Variants in APBA3 observed in about 807,000 individuals in gnomAD.
APBA3 encodes the protein amyloid-beta A4 precursor protein-binding family A member 3.
In APBA3, 45 loss-of-function variants were observed where a neutral mutation model predicts 55.9. The ratio of observed to expected loss-of-function variants is 0.80; its 90% confidence interval spans 0.63 to 1.03. The LOEUF (loss-of-function observed/expected upper bound fraction) is 1.03. Ranked by LOEUF, APBA3 falls within the 50% of genes least tolerant of loss-of-function variation. The pLI is 0.00. For missense variants in APBA3, 865 were observed against 820.3 expected (o/e 1.05, Z -0.67); for synonymous variants, 370 against 353.3 (o/e 1.05, Z -0.53).
intron 1 of APBA3, among the ~76,000 whole-genome samples, chr19:3,760,913 A>T (rs948742080): frequency 6.6e-6 from 1 of 151,842 alleles, no homozygotes; most frequent in African/African-American, 2.4e-5. Flanking sequence ...GCCCTGTCTT[A>T]AAAAAAACAA....
rs202188547 is a variant in APBA3, at chr19:3,752,897, C to T, written c.1105G>A (p.Val369Met). 1.5e-4 allele frequency: 235 copies of T among 1,613,196 alleles called. 1 individual carries two copies. Among genetic ancestry groups the T allele is most frequent in the Admixed American group, 2.0e-4 (12 of 60,020 alleles). The change falls in exon 7 of 11, where the codon GTG becomes ATG. Residue 369 changes from valine to methionine, a missense_variant. By Grantham distance (21) the Val-to-Met change is conservative. Transcript: ENST00000316757. ...TGGCAGGCGCCTGGGCTCGGGTGCACGCCCACCTGGCTGGGGTCAATACCG... is the reference window on the plus strand; with the variant it reads ...TGGCAGGCGCCTGGGCTCGGGTGCATGCCCACCTGGCTGGGGTCAATACCG... Reference protein sequence around the residue: ...ESGIDPSQVGVHPSPGACHLH... With the variant: ...ESGIDPSQVGMHPSPGACHLH...
chr19:3,753,965 G>A (rs1016398997), intron 5 of APBA3, 39 bp from the exon 6 acceptor site: 15 of 1,568,012 alleles, frequency 9.6e-6, no homozygotes, highest in South Asian at 1.2e-5. Context: ...TTGGGGGGCC[G>A]TGCCAGGCTC....
chr19:3,759,966 T>A lies in APBA3; in HGVS notation c.299A>T (p.His100Leu), dbSNP rs891229647. The A allele has an allele frequency of 8.7e-6, 14 of 1,610,056 alleles. No homozygotes were observed. The highest frequency in any genetic ancestry group is 1.2e-5 in the Non-Finnish European group (14 of 1,179,072). ...GCCAGCTTCGGCAGACAGGAGCCCG[T>A]GGGCATCAGCAATCTCCTGGGAGGC... Reference protein sequence around the residue: ...GLASQEIADAHGLLSAEAGRD... With the variant: ...GLASQEIADALGLLSAEAGRD... The change falls in exon 2 of 11, where the codon CAC (histidine) becomes CTC (leucine). Residue 100 changes from histidine to leucine, a missense_variant. Coordinates refer to ENST00000316757, the MANE Select transcript of APBA3 (RefSeq NM_004886.4).
At position 3,751,415 on chromosome 19, in the gene APBA3, C is replaced by A. The variant is rs1003382018; in HGVS notation, c.1515+19G>T. On this transcript the variant is annotated intron_variant, in intron 9 of 10. Coordinates refer to ENST00000316757, the MANE Select transcript of APBA3 (RefSeq NM_004886.4). Reference sequence around the variant, plus strand: ...GCCGCCCTACCCCCCCACCCCGGGGCCAGGGGCCGGGGCCTCACGATGCCG... The same window carrying A: ...GCCGCCCTACCCCCCCACCCCGGGGACAGGGGCCGGGGCCTCACGATGCCG... 1.3e-6 allele frequency: 2 copies of A among 1,518,958 alleles called. No individual in the cohort carries two copies. Among genetic ancestry groups the A allele is most frequent in the South Asian group, 2.4e-5 (2 of 82,752 alleles). The allele number at this position is 1,518,958 out of a possible 1,614,324, so 94.1% of individuals were successfully genotyped here.
At position 3,760,312 on chromosome 19, in the gene APBA3, G is replaced by A; in HGVS notation, c.-37-11C>T. The stretch of plus-strand genomic sequence containing the variant: ...GGCATCTTCAGGCAGCTGAAAGAGA[G>A]AGAGTCAGCACTGAGGTTTCGCCCG... On this transcript the variant is annotated splice_polypyrimidine_tract_variant and intron_variant, in intron 1 of 10. Transcript: ENST00000316757. 2 of 1,520,508 alleles carry A rather than the reference G, an allele frequency of 1.3e-6. No homozygotes were observed. The highest frequency in any genetic ancestry group is 1.7e-4 in the Middle Eastern group (1 of 5,756). 94.2% of individuals were successfully genotyped at this position (1,520,508 alleles called of 1,614,324 possible). A position where few individuals can be genotyped will look rare whatever the true frequency, so the allele number is the denominator to read the frequency against.
intron 6 of APBA3, 117 bp downstream of exon 6, chr19:3,753,648 A>C: frequency 9.0e-7 from 1 of 1,116,916 alleles, no homozygotes; most frequent in Admixed American, 3.0e-5. Flanking sequence ...CTTGTCCCAA[A>C]AAAAGAATTT....
intron 3 of APBA3, among the ~76,000 whole-genome samples, chr19:3,758,597 T>C (rs987200007): frequency 1.3e-5 from 2 of 152,104 alleles, no homozygotes; most frequent in Non-Finnish European, 2.9e-5. Flanking sequence ...TAGTATTCTT[T>C]GGCCAGGCGT....
intron 6 of APBA3, 47 bp from the exon 7 acceptor site, chr19:3,753,037 C>T: frequency 2.5e-6 from 4 of 1,594,748 alleles, no homozygotes; most frequent in Non-Finnish European, 3.4e-6. Flanking sequence ...CCCACCTCCT[C>T]CAGGTCCCCA....
At chr19:3,756,712 G>A (rs2037083186) in intron 3 of APBA3, 1 of 151,822 alleles carries the variant, frequency 6.6e-6, no homozygotes, top group African/African-American at 2.4e-5. Context: ...GACAGAGCGA[G>A]ACTCCGTCTC....
chr19:3,753,445 C>A (rs934016663), intron 6 of APBA3: 6 of 365,886 alleles, frequency 1.6e-5, no homozygotes, highest in Non-Finnish European at 3.0e-5. Context: ...GAGTTTGAGA[C>A]CGTGTTCACC....
intron 3 of APBA3, among the ~76,000 whole-genome samples, chr19:3,758,976 C>T (rs950910862): frequency 6.6e-6 from 1 of 152,060 alleles, no homozygotes; most frequent in African/African-American, 2.4e-5. Context: ...AATCTCAGTA[C>T]TCTGGGAGGC....
chr19:3,751,651 C>A (rs948678387), intron 8 of APBA3, 98 bp from the exon 9 acceptor site: 36 of 1,375,028 alleles, frequency 2.6e-5, no homozygotes, highest in Middle Eastern at 2.5e-4. Context: ...AAACCAGAGA[C>A]CTGGAGTCCA....
Position 3,759,821 on chromosome 19 carries a change from A to G in APBA3, c.444T>C (p.Asp148=). Residue 148 remains aspartate, a synonymous_variant, in exon 2 of 11, where the codon GAT becomes GAC. Coordinates refer to ENST00000316757, the MANE Select transcript of APBA3 (RefSeq NM_004886.4). The part of the protein sequence containing the change: ...LLQPPEDPDE[D]SDSPEWVEGA... ...CCTCCACCCATTCTGGGGAGTCAGAATCCTCATCTGGGTCCTCAGGGGGCT... is the reference window on the plus strand; with the variant it reads ...CCTCCACCCATTCTGGGGAGTCAGAGTCCTCATCTGGGTCCTCAGGGGGCT... 6.2e-7 allele frequency: 1 copy of G among 1,612,566 alleles called. No homozygotes were observed.
chr19:3,760,353 G>A (rs1181368674), intron 1 of APBA3, 52 bp from the exon 2 acceptor site: 5 of 1,244,938 alleles, frequency 4.0e-6, no homozygotes, highest in Non-Finnish European at 4.4e-6. Flanking sequence ...AGTGGCTCAT[G>A]CCTGTAATCC....
rs2037018890 is a variant in APBA3, at chr19:3,752,455, A to C, written c.1395+53T>G. 3 of 1,482,792 alleles carry C rather than the reference A, an allele frequency of 2.0e-6. No individual in the cohort carries two copies. The African/African-American group carries it at 4.2e-5, about 21-fold the overall frequency. The allele number at this position is 1,482,792 out of a possible 1,614,324, so 91.9% of individuals were successfully genotyped here. ...TGGCCAGGGAGGAGACCTCTCTGGG[A>C]CTCAGCTCCCCTTCCTGGGAGTGTG... On this transcript the variant is annotated intron_variant, in intron 8 of 10. Transcript: ENST00000316757.
At chr19:3,760,706 G>C (rs1465284732) in intron 1 of APBA3, among the ~76,000 whole-genome samples, 1 of 147,566 alleles carries the variant, frequency 6.8e-6, no homozygotes, top group African/African-American at 2.5e-5. Flanking sequence ...CTGAGATCGC[G>C]CCATTGCACT....
chr19:3,753,630 AAGG>A (rs2037037580), intron 6 of APBA3, 132 bp downstream of exon 6: 3 of 911,056 alleles, frequency 3.3e-6, no homozygotes, highest in South Asian at 2.0e-5. Flanking sequence ...TGGGTGACAG[AAGG>A]AGACCTTGTC....
intron 3 of APBA3, chr19:3,756,756 T>C (rs987867277): frequency 6.6e-6 from 1 of 152,204 alleles, no homozygotes; most frequent in African/African-American, 2.4e-5. Flanking sequence ...TTCACCTGTT[T>C]TTAATTTTTT....
rs1330497162 is a variant in APBA3 at position 3,760,185 on chromosome 19, G to A, written c.80C>T (p.Pro27Leu). Reference protein sequence around the residue: ...DLEGPRDILVPSEDLTPDSQW... With the variant: ...DLEGPRDILVLSEDLTPDSQW... ...GCTGTCAGGGGTGAGGTCCTCCGAA[G>A]GCACAAGAATGTCCCTGGGCCCCTC... The change falls in exon 2 of 11, where the codon CCT becomes CTT. Residue 27 changes from proline to leucine, a missense_variant. By Grantham distance (98) the Pro-to-Leu change is moderately conservative (BLOSUM62 -3). Transcript: ENST00000316757. 1.9e-6 allele frequency: 3 copies of A among 1,613,036 alleles called. No individual in the cohort carries two copies. The highest frequency in any genetic ancestry group is 2.2e-5 in the East Asian group (1 of 44,878).
Sources: allele counts gnomAD v4.1 joint callset (sites outside exome capture counted in the v4.1 genomes callset), GRCh38; gene constraint gnomAD v4.1.1; transcripts MANE v1.5; gene names NCBI Gene and HGNC (gene_info 2026-07-23, HGNC 2026-07-21).